HHIP: variants seen among roughly 807,000 people sequenced by gnomAD.
HHIP encodes the protein hedgehog interacting protein.
Under a neutral mutation model 74.0 loss-of-function variants are expected in HHIP, and 12 were observed. The ratio of observed to expected loss-of-function variants is 0.16; its 90% CI spans 0.10 to 0.26. The LOEUF (loss-of-function observed/expected upper bound fraction) is 0.26, where lower values mean the gene tolerates loss of function less well. Among genes scored for constraint, HHIP ranks in the 10% least tolerant of loss-of-function variants. The pLI is 1.00. For missense variants in HHIP, 788 were observed against 845.0 expected, an observed-to-expected ratio of 0.93 and a Z score of 0.84; for synonymous variants, 309 against 311.6, an observed-to-expected ratio of 0.99 and a Z score of 0.09.
At chr4:144,656,241 G>A (rs115490800) in intron 2 of HHIP, among the ~76,000 whole-genome samples, 369 of 152,236 alleles carry the variant, frequency 2.4e-3, no homozygotes, top group African/African-American at 8.3e-3. Flanking sequence ...ATGTATTTAA[G>A]TAAAAATCTT....
chr4:144,698,923 G>A (rs1225070241), intron 4 of HHIP, among the ~76,000 whole-genome samples: 3 of 152,122 alleles, frequency 2.0e-5, no homozygotes, highest in African/African-American at 2.4e-5. Context: ...ACTTGATCAC[G>A]ATCTCCATTT....
At chr4:144,713,703 G>C (rs1234996992) in intron 8 of HHIP, among the ~76,000 whole-genome samples, 1 of 152,212 alleles carries the variant, frequency 6.6e-6, no homozygotes, top group South Asian at 2.1e-4. Context: ...GATATTACTT[G>C]ACTAAGTTAC....
intron 11 of HHIP, among the ~76,000 whole-genome samples, chr4:144,721,366 T>C (rs1225429892): frequency 6.6e-6 from 1 of 152,116 alleles, no homozygotes; most frequent in East Asian, 1.9e-4. Context: ...GCAGTATCTC[T>C]TAAATCATTT....
Position 144,707,067 on chromosome 4 carries a change from G to T in HHIP, c.984-20G>T. The T allele has an allele frequency of 1.2e-6, 2 of 1,609,228 alleles. No homozygotes were observed. The highest frequency in any genetic ancestry group is 1.7e-6 in the Non-Finnish European group (2 of 1,175,590). On this transcript the variant is annotated intron_variant, in intron 5 of 12. Transcript: ENST00000296575. ...TAAATCTTTTAACAGTCATGGTATT[G>T]TTTTCTTCCCACAATGTAGAAAAAA... is the stretch of plus-strand genomic sequence containing the variant.
At chr4:144,707,336 T>A in intron 6 of HHIP, 76 bp downstream of exon 6, 1 of 1,254,458 alleles carries the variant, frequency 8.0e-7, no homozygotes, top group Non-Finnish European at 1.1e-6. Flanking sequence ...TGGGCACCAG[T>A]GAATTAAGAA....
At chr4:144,652,499 T>A in intron 1 of HHIP, 106 bp from the exon 2 acceptor site, 1 of 690,074 alleles carries the variant, frequency 1.4e-6, no homozygotes, top group Non-Finnish European at 2.5e-6. Flanking sequence ...AAAACTTCAT[T>A]GGCTAAATTA....
chr4:144,670,819 T>C lies in HHIP; in HGVS notation c.831+10981T>C, dbSNP rs567875729. Reference sequence around the variant, plus strand: ...AAAGAAAGTGCTAGTCTTATGAGGATAGAAATAACGAAATTTAATTCCCAT... The same window carrying C: ...AAAGAAAGTGCTAGTCTTATGAGGACAGAAATAACGAAATTTAATTCCCAT... On this transcript the variant is annotated intron_variant, in intron 4 of 12. Transcript: ENST00000296575. 3.0e-5 allele frequency among the ~76,000 whole-genome samples: 4 copies of C among 131,334 alleles called. No homozygotes were observed. In the South Asian group the frequency reaches 7.6e-4, roughly 25 times the overall value. The allele number at this position is 131,334 out of a possible 152,430, so 86.2% of individuals were successfully genotyped here.
In HHIP at chr4:144,742,160, T is replaced by C. The variant is rs1346500968; in HGVS notation, c.*4203T>C. 1 of 152,148 alleles carries C rather than the reference T, an allele frequency of 6.6e-6. No individual in the cohort carries two copies. The highest frequency in any genetic ancestry group is 1.5e-5 in the Non-Finnish European group (1 of 68,036). The allele number at this position is 152,148 out of a possible 1,614,324, so 9.4% of individuals were successfully genotyped here. ...TCTATTGGTTTTGCCTAAATAGACATGTTCTCAATACACCCATGTTGAAGG... is the reference window on the plus strand; with the variant it reads ...TCTATTGGTTTTGCCTAAATAGACACGTTCTCAATACACCCATGTTGAAGG... On this transcript the variant is annotated 3_prime_UTR_variant, in exon 13 of 13. Coordinates refer to ENST00000296575, the MANE Select transcript of HHIP (RefSeq NM_022475.3).
intron 2 of HHIP, among the ~76,000 whole-genome samples, chr4:144,658,327 G>A (rs900054222): frequency 2.0e-5 from 3 of 151,178 alleles, no homozygotes; most frequent in Admixed American, 6.6e-5. Flanking sequence ...CCCAACCCCC[G>A]ATATTTTTCA....
At chr4:144,666,864 T>C (rs1479568104) in intron 4 of HHIP, among the ~76,000 whole-genome samples, 1 of 152,172 alleles carries the variant, frequency 6.6e-6, no homozygotes, top group African/African-American at 2.4e-5. Flanking sequence ...CTCACTTTCT[T>C]TATCTGTTAA....
intron 4 of HHIP, among the ~76,000 whole-genome samples, chr4:144,705,898 T>C (rs1730119575): frequency 6.6e-6 from 1 of 152,178 alleles, no homozygotes; most frequent in African/African-American, 2.4e-5. Context: ...CATCCTTCTG[T>C]AAAGAAAAAC....
At chr4:144,659,903 C>CAGTGAGGAAGGTAACA in intron 4 of HHIP, 65 bp downstream of exon 4, 2 of 1,172,372 alleles carry the variant, frequency 1.7e-6, no homozygotes, top group Non-Finnish European at 2.5e-6. Context: ...GTGTTACCTT[C>CAGTGAGGAAGGTAACA]CTCACTGAAG....
chr4:144,701,947 T>C (rs2126647397), intron 4 of HHIP, among the ~76,000 whole-genome samples: 1 of 152,328 alleles, frequency 6.6e-6, no homozygotes, highest in East Asian at 1.9e-4. Flanking sequence ...GAATGTTGTC[T>C]TTTAAATGTC....
intron 11 of HHIP, among the ~76,000 whole-genome samples, chr4:144,725,795 A>G (rs1169357554): frequency 1.3e-5 from 2 of 152,056 alleles, no homozygotes; most frequent in East Asian, 1.9e-4. Context: ...CAGCCTCCCA[A>G]GTAGCTGGGA....
At chr4:144,723,061 C>T (rs1191169538) in intron 11 of HHIP, among the ~76,000 whole-genome samples, 1 of 151,972 alleles carries the variant, frequency 6.6e-6, no homozygotes, top group Non-Finnish European at 1.5e-5. Flanking sequence ...TTCAGATGAA[C>T]TTAAACCAAA....
intron 8 of HHIP, among the ~76,000 whole-genome samples, chr4:144,713,259 C>CA (rs1260127372): frequency 6.6e-6 from 1 of 152,064 alleles, no homozygotes; most frequent in Non-Finnish European, 1.5e-5. Flanking sequence ...CACAAAGTGG[C>CA]AGAGTCTGGA....
At chr4:144,708,498 G>A (rs1005598101) in intron 7 of HHIP, among the ~76,000 whole-genome samples, 187 bp downstream of exon 7, 2 of 152,214 alleles carry the variant, frequency 1.3e-5, no homozygotes, top group African/African-American at 4.8e-5. Context: ...ATTACTGTGA[G>A]AAGCAGATTG....
intron 4 of HHIP, among the ~76,000 whole-genome samples, chr4:144,693,167 T>G (rs1380219810): frequency 1.3e-5 from 2 of 152,104 alleles, no homozygotes; most frequent in East Asian, 3.9e-4. Context: ...CCCTACAATT[T>G]AGAATCAGGA....
intron 2 of HHIP, among the ~76,000 whole-genome samples, chr4:144,657,169 T>G (rs925680330): frequency 1.3e-5 from 2 of 152,176 alleles, no homozygotes; most frequent in African/African-American, 4.8e-5. Context: ...GGTCAAAATG[T>G]ACTTCAAGCT....
Sources: allele counts gnomAD v4.1 joint callset (sites outside exome capture counted in the v4.1 genomes callset), GRCh38; gene constraint gnomAD v4.1.1; transcripts MANE v1.5; gene names NCBI Gene and HGNC (gene_info 2026-07-23, HGNC 2026-07-21).